The following NEK5 variants were observed in gnomAD, a reference collection of about 807,000 sequenced individuals.
NEK5 encodes serine/threonine-protein kinase Nek5.
In NEK5, 88 loss-of-function variants were observed where a neutral mutation model predicts 109.2. That is an observed-to-expected ratio of 0.81 (90% CI 0.68 to 0.96). NEK5 has a LOEUF of 0.96. Ranked by LOEUF, NEK5 falls within the 40% of genes least tolerant of loss-of-function variation. The pLI, the probability that NEK5 is intolerant of heterozygous loss-of-function variation, is 0.00. For missense variants in NEK5, 834 were observed against 920.7 expected, an observed-to-expected ratio of 0.91 and a Z score of 1.22; for synonymous variants, 283 against 299.9, an observed-to-expected ratio of 0.94 and a Z score of 0.58.
intron 23 of NEK5, among the ~76,000 whole-genome samples, chr13:52,038,831 A>AAAAAG (rs1300512172): frequency 6.6e-6 from 1 of 151,648 alleles, no homozygotes; most frequent in Non-Finnish European, 1.5e-5. Flanking sequence ...ATCTGAAAAA[A>AAAAAG]AAAAAAAAAA....
intron 22 of NEK5, among the ~76,000 whole-genome samples, chr13:52,056,910 A>G (rs1179206431): frequency 6.6e-6 from 1 of 152,174 alleles, no homozygotes; most frequent in Non-Finnish European, 1.5e-5. Flanking sequence ...GAGCAAACAC[A>G]TTCAAAAGCT....
At chr13:52,105,284 GGAGA>G (rs1190876809) in intron 8 of NEK5, among the ~76,000 whole-genome samples, 5 of 150,756 alleles carry the variant, frequency 3.3e-5, no homozygotes, top group Non-Finnish European at 7.4e-5. Flanking sequence ...TCAGAGAGAA[GGAGA>G]GAGAGATAGA....
intron 21 of NEK5, chr13:52,064,606 C>T (rs112693315): frequency 0.09 from 18,104 of 201,566 alleles, 808 homozygotes; most frequent in Middle Eastern, 0.12. Flanking sequence ...CGGCCACCAC[C>T]CTGTCTGGGA....
intron 20 of NEK5, among the ~76,000 whole-genome samples, chr13:52,068,470 C>T (rs1239098704): frequency 2.1e-5 from 3 of 143,460 alleles, no homozygotes; most frequent in African/African-American, 7.7e-5. Flanking sequence ...CACAAATACA[C>T]ACACACACAC....
At chr13:52,108,546 CTG>C (rs1183149687) in intron 7 of NEK5, 142 bp from the exon 8 acceptor site, 7 of 500,930 alleles carry the variant, frequency 1.4e-5, no homozygotes, top group Non-Finnish European at 2.5e-5. Context: ...AAGCAAAACA[CTG>C]TATGTTGATA....
At position 52,065,614 on chromosome 13, in the gene NEK5, G is replaced by T. The variant is rs1248088276; in HGVS notation, c.1850-5C>A. 1 of 1,607,924 alleles carries T rather than the reference G, an allele frequency of 6.2e-7. No individual in the cohort carries two copies. Among genetic ancestry groups the T allele is most frequent in the Non-Finnish European group, 8.5e-7 (1 of 1,174,738 alleles). ...CTACAGTCTGCGTGGAAAACCCTGG[G>T]TGTAAGAAAACAACTCATTAATTCG... On this transcript the variant is annotated splice_polypyrimidine_tract_variant and splice_region_variant and intron_variant, in intron 20 of 23. Transcript: ENST00000684899.
intron 17 of NEK5, 103 bp from the exon 18 acceptor site, chr13:52,076,246 T>G (rs1343468145): frequency 6.2e-6 from 4 of 647,704 alleles, no homozygotes; most frequent in Non-Finnish European, 1.1e-5. Flanking sequence ...CAAGCTTTTA[T>G]AATGGAAAGT....
At chr13:52,074,633 A>T (rs1428987481) in intron 19 of NEK5, among the ~76,000 whole-genome samples, 1 of 152,120 alleles carries the variant, frequency 6.6e-6, no homozygotes, top group East Asian at 1.9e-4. Context: ...TGACAAGTGG[A>T]ACCTAATTAA....
At chr13:52,126,540 G>C (rs1034400197) in intron 3 of NEK5, among the ~76,000 whole-genome samples, 4 of 152,198 alleles carry the variant, frequency 2.6e-5, no homozygotes, top group Admixed American at 1.3e-4. Flanking sequence ...CACTTTGGGA[G>C]GCCAAGGCGG....
chr13:52,071,284 T>C (rs1277077052), intron 20 of NEK5, among the ~76,000 whole-genome samples: 1 of 152,192 alleles, frequency 6.6e-6, no homozygotes, highest in Non-Finnish European at 1.5e-5. Flanking sequence ...ACAGACAAGC[T>C]GCTGTCACAT....
intron 23 of NEK5, among the ~76,000 whole-genome samples, chr13:52,041,946 A>G (rs1954418271): frequency 6.6e-6 from 1 of 152,074 alleles, no homozygotes; most frequent in Non-Finnish European, 1.5e-5. Flanking sequence ...AAGTGAAGCA[A>G]GCAGGATAAA....
intron 22 of NEK5, among the ~76,000 whole-genome samples, chr13:52,054,847 G>GA (rs1450429306): frequency 6.6e-6 from 1 of 152,160 alleles, no homozygotes; most frequent in Admixed American, 6.5e-5. Flanking sequence ...CAAAGATGGG[G>GA]AAAAAACAGA....
At chr13:52,038,921 G>C (rs375044625) in intron 23 of NEK5, among the ~76,000 whole-genome samples, 25 of 152,002 alleles carry the variant, frequency 1.6e-4, no homozygotes, top group South Asian at 4.2e-4. Flanking sequence ...GAGAACATGG[G>C]GGCAATGGTT....
At chr13:52,098,771 A>G (rs1252166198) in intron 12 of NEK5, among the ~76,000 whole-genome samples, 3 of 152,234 alleles carry the variant, frequency 2.0e-5, no homozygotes. Flanking sequence ...AGCCTAAAGT[A>G]TACTTATAAG....
chr13:52,114,486 T>A (rs1055667314), intron 4 of NEK5, among the ~76,000 whole-genome samples: 1 of 152,228 alleles, frequency 6.6e-6, no homozygotes, highest in African/African-American at 2.4e-5. Flanking sequence ...TTTCAATTTT[T>A]CCTCCTCTCT....
intron 3 of NEK5, among the ~76,000 whole-genome samples, chr13:52,120,566 G>A (rs1000892): frequency 0.016 from 2,372 of 152,042 alleles, 73 homozygotes; most frequent in Admixed American, 0.081. Context: ...AATAAAAATG[G>A]CTGATAGAAA....
intron 23 of NEK5, among the ~76,000 whole-genome samples, chr13:52,041,655 G>A (rs1264597246): frequency 1.4e-5 from 2 of 147,824 alleles, no homozygotes; most frequent in Non-Finnish European, 3.0e-5. Flanking sequence ...TTGAACCCAG[G>A]AGGCGGAGGT....
intron 23 of NEK5, among the ~76,000 whole-genome samples, chr13:52,046,478 G>GT (rs1954460141): frequency 7.2e-6 from 1 of 138,710 alleles, no homozygotes; most frequent in Admixed American, 7.3e-5. Context: ...GATCCTGTAT[G>GT]TTTAAAAAAA....
chr13:52,104,407 A>G, intron 9 of NEK5, 91 bp downstream of exon 9: 1 of 917,862 alleles, frequency 1.1e-6, no homozygotes, highest in Non-Finnish European at 1.8e-6. Flanking sequence ...ACAATCTAAT[A>G]AAACCAAACA....
Sources: gnomAD v4.1 joint callset for allele counts (sites outside exome capture counted in the v4.1 genomes callset) on GRCh38, gnomAD v4.1.1 for gene constraint, MANE v1.5 for transcripts, NCBI Gene and HGNC (gene_info 2026-07-23, HGNC 2026-07-21) for gene names.